The following PDZD2 variants were observed in gnomAD, a reference collection of about 807,000 sequenced individuals.
PDZD2 encodes PDZ domain containing 2, also known as PDZ domain-containing protein 2.
A neutral mutation model predicts 220.7 loss-of-function variants in PDZD2; 90 were observed. The ratio of observed to expected loss-of-function variants is 0.41; its 90% confidence interval spans 0.34 to 0.49. The LOEUF is 0.49. Ranked by LOEUF, PDZD2 falls within the 20% of genes least tolerant of loss-of-function variation. The probability of loss-of-function intolerance (pLI) is 0.28; values close to 1 mark genes in which losing one functional copy is unlikely to be tolerated. For missense variants in PDZD2, 3,174 were observed against 3,608.5 expected (o/e 0.88, Z 3.08); for synonymous variants, 1,375 against 1,450.5 (o/e 0.95, Z 1.18).
intron 2 of PDZD2, among the ~76,000 whole-genome samples, chr5:31,961,431 A>G (rs1318101626): frequency 6.6e-6 from 1 of 151,490 alleles, no homozygotes; most frequent in African/African-American, 2.4e-5. Flanking sequence ...GCTACTAGGG[A>G]AGCTGAAGTG....
At chr5:31,872,726 A>G (rs1457369704) in intron 2 of PDZD2, among the ~76,000 whole-genome samples, 2 of 152,314 alleles carry the variant, frequency 1.3e-5, no homozygotes, top group East Asian at 3.9e-4. Flanking sequence ...ACAGAGAAAC[A>G]GAACTGAGAG....
In PDZD2 at chr5:32,017,464, A is replaced by C. The variant is rs187864357; in HGVS notation, c.1407+6982A>C. On this transcript the variant is annotated intron_variant, in intron 6 of 24. Transcript: ENST00000438447. The stretch of plus-strand genomic sequence containing the variant: ...CAAAAAAAAAAAAAAAATTAGAAAA[A>C]AATAGTTTAAAATGGCCTTGGCACA... Among the ~76,000 whole-genome samples the C allele has an allele frequency of 7.2e-5, 11 of 152,198 alleles. No homozygotes were observed. The East Asian group carries it at 2.1e-3, about 29-fold the overall frequency.
intron 6 of PDZD2, among the ~76,000 whole-genome samples, chr5:32,033,744 C>T (rs983765503): frequency 9.2e-5 from 14 of 152,026 alleles, no homozygotes; most frequent in African/African-American, 2.9e-4. Flanking sequence ...CTCAGCCTCC[C>T]AAGTAGCTTG....
rs933744305 is a variant in PDZD2, at chr5:32,109,424, T to C, written c.*1289T>C. 1 of 152,224 alleles carries C rather than the reference T, an allele frequency of 6.6e-6. No individual in the cohort carries two copies. The highest frequency in any genetic ancestry group is 2.4e-5 in the African/African-American group (1 of 41,462). The allele number at this position is 152,224 out of a possible 1,614,324, so 9.4% of individuals were successfully genotyped here. A position where few individuals can be genotyped will look rare whatever the true frequency, so the allele number is the denominator to read the frequency against. The stretch of plus-strand genomic sequence containing the variant: ...AAACTCACTCTGGCCACTCCTCCTC[T>C]GGTGGCATGAGCTGCTTCCCAGTAG... On this transcript the variant is annotated 3_prime_UTR_variant, in exon 25 of 25. Transcript: ENST00000438447.
chr5:32,068,130 T>C (rs1356016985), intron 14 of PDZD2, among the ~76,000 whole-genome samples: 1 of 142,986 alleles, frequency 7.0e-6, no homozygotes, highest in Non-Finnish European at 1.5e-5. Context: ...ATCATTCTTG[T>C]ACTTTTTCTG....
At chr5:32,053,624 G>C (rs1738798907) in intron 9 of PDZD2, 145 bp from the exon 10 acceptor site, 2 of 613,622 alleles carry the variant, frequency 3.3e-6, no homozygotes, top group African/African-American at 3.6e-5. Context: ...TAGTTGCTTA[G>C]TTTAACTCCA....
chr5:31,891,797 G>A (rs1042068517), intron 2 of PDZD2, among the ~76,000 whole-genome samples: 2 of 152,218 alleles, frequency 1.3e-5, no homozygotes, highest in Non-Finnish European at 2.9e-5. Context: ...CCCAGATCAT[G>A]CCAGTGTGCT....
intron 2 of PDZD2, among the ~76,000 whole-genome samples, chr5:31,943,747 G>A (rs922012552): frequency 2.0e-5 from 3 of 152,074 alleles, no homozygotes; most frequent in African/African-American, 7.2e-5. Context: ...ACAGATATAG[G>A]GCACAACACT....
chr5:32,028,357 G>T (rs1036989251), intron 6 of PDZD2, among the ~76,000 whole-genome samples: 1 of 152,030 alleles, frequency 6.6e-6, no homozygotes, highest in African/African-American at 2.4e-5. Context: ...ATGATGGTTT[G>T]CCCCCCACCC....
At chr5:31,899,529 C>T (rs1341221354) in intron 2 of PDZD2, among the ~76,000 whole-genome samples, 1 of 152,230 alleles carries the variant, frequency 6.6e-6, no homozygotes. Flanking sequence ...TTGGCACCTT[C>T]TGTCTTCTGT....
At position 32,037,176 on chromosome 5, in the gene PDZD2, A is replaced by G. The variant is rs188682819; in HGVS notation, c.1408-55A>G. 6.7e-5 allele frequency: 74 copies of G among 1,096,538 alleles called. 1 individual carries two copies. In the African/African-American group the frequency reaches 9.9e-4, roughly 15 times the overall value. The allele number at this position is 1,096,538 out of a possible 1,614,324, so 67.9% of individuals were successfully genotyped here. On this transcript the variant is annotated intron_variant, in intron 6 of 24. Coordinates refer to ENST00000438447, the MANE Select transcript of PDZD2 (RefSeq NM_178140.4). ...AGATAACATTGTGGAGGGGGACAGC[A>G]TAAGTCATCGCAGGGCTGGGCTCTC...
intron 2 of PDZD2, among the ~76,000 whole-genome samples, chr5:31,930,196 CTTTTTTTTTTTTTT>C (rs760145512): frequency 3.9e-5 from 4 of 102,506 alleles, no homozygotes; most frequent in Admixed American, 1.2e-4. Context: ...CTCAGGTATT[CTTTTTTTTTTTTTT>C]TTTTTTTTTT....
intron 2 of PDZD2, among the ~76,000 whole-genome samples, chr5:31,922,320 G>A (rs368999664): frequency 1.5e-4 from 23 of 152,174 alleles, no homozygotes; most frequent in African/African-American, 5.3e-4. Context: ...GTCATTGAGC[G>A]TAATGTGGTT....
intron 1 of PDZD2, among the ~76,000 whole-genome samples, chr5:31,661,785 G>GTTTTTTTTTT (rs5867089): frequency 1.1e-4 from 16 of 141,808 alleles, no homozygotes; most frequent in Non-Finnish European, 1.5e-4. Flanking sequence ...TCCTCCCTTG[G>GTTTTTTTTTT]TTTTTTTTTT....
intron 3 of PDZD2, among the ~76,000 whole-genome samples, chr5:31,993,808 C>T (rs1207049179): frequency 1.3e-5 from 2 of 152,106 alleles, no homozygotes; most frequent in South Asian, 2.1e-4. Flanking sequence ...TGAAGTGAGA[C>T]CCCAAAGTAA....
At chr5:31,919,884 G>T (rs1339049500) in intron 2 of PDZD2, among the ~76,000 whole-genome samples, 1 of 151,354 alleles carries the variant, frequency 6.6e-6, no homozygotes, top group East Asian at 1.9e-4. Flanking sequence ...ACCAGGCGTG[G>T]TGGTGTGTGC....
chr5:31,692,317 C>T (rs984297450), intron 1 of PDZD2, among the ~76,000 whole-genome samples: 3 of 152,200 alleles, frequency 2.0e-5, no homozygotes, highest in Non-Finnish European at 4.4e-5. Flanking sequence ...AAGCACCGGG[C>T]GCGGCCCCGG....
chr5:32,024,661 C>T (rs1218784670), intron 6 of PDZD2, among the ~76,000 whole-genome samples: 2 of 130,686 alleles, frequency 1.5e-5, no homozygotes, highest in African/African-American at 2.8e-5. Context: ...CCAGCCTAGG[C>T]GACAGGGCAA....
intron 1 of PDZD2, among the ~76,000 whole-genome samples, chr5:31,736,481 T>C (rs1430395876): frequency 1.3e-5 from 2 of 152,230 alleles, no homozygotes; most frequent in East Asian, 1.9e-4. Flanking sequence ...CCCACGCTAA[T>C]GTGAACAAAG....
Sources: gnomAD v4.1 joint callset for allele counts (sites outside exome capture counted in the v4.1 genomes callset) on GRCh38, gnomAD v4.1.1 for gene constraint, MANE v1.5 for transcripts, NCBI Gene and HGNC (gene_info 2026-07-23, HGNC 2026-07-21) for gene names.